Variants in SETD5 observed in about 807,000 individuals in gnomAD.
SETD5 encodes the protein SET domain containing 5.
SETD5 carries 44 observed loss-of-function variants against 153.3 expected under a neutral mutation model. The ratio of observed to expected loss-of-function variants is 0.29; its 90% CI spans 0.23 to 0.37. The LOEUF (loss-of-function observed/expected upper bound fraction) is 0.37. SETD5 is among the 10% of genes least tolerant of loss of function. SETD5 has a pLI of 1.00. For synonymous variants in SETD5, 716 were observed against 645.2 expected (o/e 1.11, Z -1.66); for missense variants, 1,544 against 1,768.0 (o/e 0.87, Z 2.27).
intron 1 of SETD5, among the ~76,000 whole-genome samples, chr3:9,420,777 C>G (rs2038257568): frequency 6.6e-6 from 1 of 151,944 alleles, no homozygotes; most frequent in Non-Finnish European, 1.5e-5. Context: ...GAGTTCATCT[C>G]TTTGTTTTCC....
At chr3:9,466,039 A>G (rs893060694) in intron 18 of SETD5, among the ~76,000 whole-genome samples, 1 of 152,142 alleles carries the variant, frequency 6.6e-6, no homozygotes, top group Non-Finnish European at 1.5e-5. Context: ...CTATAATCCC[A>G]TCACTTTGGG....
chr3:9,433,498 A>G, intron 3 of SETD5: 1 of 1,291,842 alleles, frequency 7.7e-7, no homozygotes, highest in Non-Finnish European at 1.0e-6. Context: ...TCCAATTAAG[A>G]AGAATAGTTC....
chr3:9,426,733 T>C (rs1376083507), intron 2 of SETD5, among the ~76,000 whole-genome samples: 1 of 151,996 alleles, frequency 6.6e-6, no homozygotes, highest in Admixed American at 6.6e-5. Flanking sequence ...AGACAGGATC[T>C]CGCCATGTTT....
intron 10 of SETD5, 136 bp downstream of exon 10, chr3:9,442,381 C>A: frequency 3.0e-6 from 2 of 668,246 alleles, no homozygotes; most frequent in Non-Finnish European, 5.3e-6. Context: ...AGGTGAAAAA[C>A]AAAAGTAATG....
rs936256673 is a variant in SETD5, at chr3:9,470,571, C to G, written c.2837C>G (p.Pro946Arg). 2.5e-6 allele frequency: 4 copies of G among 1,614,030 alleles called. No individual in the cohort carries two copies. The highest frequency in any genetic ancestry group is 3.4e-6 in the Non-Finnish European group (4 of 1,179,890). ...AACTCAGGTCATTCTGACCTGGCTC[C>G]TCATCCCTCCCTCGGACCCACTTCT... ...LLNSGHSDLA[P>R]HPSLGPTSET... is the part of the protein sequence containing the mutation. The change falls in exon 19 of 23, where the codon CCT (proline) becomes CGT (arginine). Residue 946 changes from proline to arginine, a missense_variant. Coordinates refer to ENST00000402198, the MANE Select transcript of SETD5 (RefSeq NM_001080517.3).
intron 1 of SETD5, among the ~76,000 whole-genome samples, chr3:9,412,387 G>GTTTTTTTTT (rs370566998): frequency 1.5e-4 from 13 of 89,542 alleles, no homozygotes; most frequent in Non-Finnish European, 2.3e-4. Flanking sequence ...ACAGTTTTGG[G>GTTTTTTTTT]TTTTTTTTTT....
At chr3:9,419,167 G>A (rs1380402178) in intron 1 of SETD5, among the ~76,000 whole-genome samples, 1 of 152,164 alleles carries the variant, frequency 6.6e-6, no homozygotes, top group Admixed American at 6.5e-5. Context: ...TTGTATAAAT[G>A]CAGTACTTGG....
chr3:9,467,837 G>T (rs572070871), intron 18 of SETD5, among the ~76,000 whole-genome samples: 2 of 152,114 alleles, frequency 1.3e-5, no homozygotes, highest in African/African-American at 4.8e-5. Context: ...ACACATACAT[G>T]CTTTTTCTGC....
At chr3:9,456,873 G>A (rs1277582286) in intron 17 of SETD5, among the ~76,000 whole-genome samples, 1 of 152,104 alleles carries the variant, frequency 6.6e-6, no homozygotes, top group Non-Finnish European at 1.5e-5. Flanking sequence ...CTACTCAGGA[G>A]GCTGAGGCAG....
In SETD5 at chr3:9,434,876, A is replaced by C; in HGVS notation, c.382A>C (p.Ile128Leu). The stretch of plus-strand genomic sequence containing the variant: ...ACTTCATCGGCGGAAGCAGGACAAC[A>C]TATCAGGTGAGCGGAAGATGGGTTA... ...IRLHRRKQDN[I>L]SGGDSSATES... is the part of the protein sequence containing the mutation. Residue 128 changes from isoleucine (I) to leucine (L), a missense_variant, in exon 6 of 23, where the codon ATA becomes CTA. Ile to Leu is a conservative substitution (Grantham distance 5). Transcript: ENST00000402198. The surrounding 1 kb of genome is among the most constrained non-coding windows in gnomAD (Gnocchi z 5.6). 1 of 1,613,430 alleles carries C rather than the reference A, an allele frequency of 6.2e-7. No homozygotes were observed. The highest frequency in any genetic ancestry group is 8.5e-7 in the Non-Finnish European group (1 of 1,179,684).
chr3:9,432,333 G>A, intron 3 of SETD5: 4 of 981,092 alleles, frequency 4.1e-6, no homozygotes, highest in Non-Finnish European at 4.8e-6. Flanking sequence ...GGGTGAGTTG[G>A]ATACATATCT....
rs2045824103 is a variant in SETD5, at chr3:9,476,024, G to T, written c.4262G>T (p.Gly1421Val). ...SQHYPHRGSG[G>V]VHQYRLQPLQ... ...CACTACCCACACCGTGGGAGTGGGG[G>T]TGTGCACCAGTACCGACTCCAGCCA... The change falls in exon 23 of 23, where the codon GGT (glycine) becomes GTT (valine). Residue 1421 changes from glycine (G) to valine (V), a missense_variant. Transcript: ENST00000402198. 3 of 1,613,976 alleles carry T rather than the reference G, an allele frequency of 1.9e-6. No individual in the cohort carries two copies. Among genetic ancestry groups the T allele is most frequent in the African/African-American group, 2.7e-5 (2 of 75,046 alleles).
At chr3:9,475,295 C>A in intron 22 of SETD5, 139 bp downstream of exon 22, 1 of 1,127,318 alleles carries the variant, frequency 8.9e-7, no homozygotes. Context: ...TCTGCTTGTC[C>A]TCAGGTAATA....
chr3:9,445,198 G>A lies in SETD5; in HGVS notation c.1338G>A (p.Arg446=), dbSNP rs2041792228. 2 of 1,613,776 alleles carry A rather than the reference G, an allele frequency of 1.2e-6. No individual in the cohort carries two copies. The highest frequency in any genetic ancestry group is 2.2e-5 in the East Asian group (1 of 44,870). Residue 446 remains arginine (R), a synonymous_variant, in exon 12 of 23, where the codon CGG becomes CGA. Coordinates refer to ENST00000402198, the MANE Select transcript of SETD5 (RefSeq NM_001080517.3). ...AGACTAGACGTAGAAAAGCACGACG[G>A]AAAGAGCTAGAGATGGAGCAGCAGA... ...GAETRRRKAR[R]KELEMEQQNE... is the part of the protein sequence containing the mutation.
At chr3:9,461,923 A>T (rs2043998061) in intron 17 of SETD5, among the ~76,000 whole-genome samples, 1 of 152,244 alleles carries the variant, frequency 6.6e-6, no homozygotes, top group African/African-American at 2.4e-5. Context: ...TTTCTGTTTT[A>T]TACCTAGGCA....
intron 15 of SETD5, 82 bp downstream of exon 15, chr3:9,448,088 GA>G: frequency 7.3e-7 from 1 of 1,373,658 alleles, no homozygotes; most frequent in South Asian, 1.5e-5. Flanking sequence ...ATCCCTAGAA[GA>G]AACTAATCTC....
chr3:9,463,082 C>T (rs2044173860), intron 17 of SETD5, among the ~76,000 whole-genome samples: 1 of 152,134 alleles, frequency 6.6e-6, no homozygotes, highest in African/African-American at 2.4e-5. Context: ...TACAGTGGTG[C>T]AGTCTCAACT....
intron 1 of SETD5, among the ~76,000 whole-genome samples, chr3:9,422,633 C>T (rs1167044816): frequency 2.0e-5 from 3 of 152,074 alleles, no homozygotes; most frequent in Non-Finnish European, 4.4e-5. Context: ...ATTGTACAGC[C>T]TAAGGAATTA....
In SETD5 at chr3:9,423,832, CAG is replaced by C. The variant is rs2038772011; in HGVS notation, c.-176-631_-176-630del. 3.3e-5 allele frequency among the ~76,000 whole-genome samples: 5 copies of C among 152,162 alleles called. No individual in the cohort carries two copies. In the East Asian group the frequency reaches 9.6e-4, roughly 29 times the overall value. On this transcript the variant is annotated intron_variant, in intron 1 of 22. Transcript: ENST00000402198. ...AAATTTGACTTTTAGGAAAAAACACCAGAGACTTAAAGGATACTGATCATTTT... is the reference window on the plus strand; with the variant it reads ...AAATTTGACTTTTAGGAAAAAACACCAGACTTAAAGGATACTGATCATTTT...
Sources: allele counts gnomAD v4.1 joint callset (sites outside exome capture counted in the v4.1 genomes callset), GRCh38; gene constraint gnomAD v4.1.1; non-coding constraint Gnocchi (gnomAD v3.1); transcripts MANE v1.5; gene names NCBI Gene and HGNC (gene_info 2026-07-23, HGNC 2026-07-21).